Variants in NRXN3 observed in about 807,000 individuals in gnomAD.
The protein encoded by NRXN3 is neurexin 3, also known as neurexin III.
In NRXN3, 32 loss-of-function variants were observed where a neutral mutation model predicts 137.6. The observed-to-expected ratio is 0.23, with a 90% CI of 0.18 to 0.31. The LOEUF (loss-of-function observed/expected upper bound fraction) is 0.31, where lower values mean the gene tolerates loss of function less well. Ranked by LOEUF, NRXN3 falls within the 10% of genes least tolerant of loss-of-function variation. The pLI, the probability that NRXN3 is intolerant of heterozygous loss-of-function variation, is 1.00. For missense variants in NRXN3, 1,574 were observed against 2,062.5 expected (o/e 0.76, Z 4.59); for synonymous variants, 798 against 784.5 (o/e 1.02, Z -0.29).
rs112453614 is a variant in NRXN3, at chr14:78,193,612, A to T, written c.-704+22938A>T. 8.5e-3 allele frequency among the ~76,000 whole-genome samples: 1,294 copies of T among 152,210 alleles called. 17 individuals are homozygous for T. Among genetic ancestry groups the T allele is most frequent in the African/African-American group, 0.028 (1,168 of 41,526 alleles). ...CCCCATCTCTACTAAAAATACAAAA[A>T]TTAGCTGGATGTGGTGGCGCACACC... On this transcript the variant is annotated intron_variant, in intron 1 of 20. Coordinates refer to ENST00000335750, the MANE Select transcript of NRXN3 (RefSeq NM_001330195.2).
At chr14:79,235,648 A>C (rs1156328509) in intron 15 of NRXN3, among the ~76,000 whole-genome samples, 1 of 152,196 alleles carries the variant, frequency 6.6e-6, no homozygotes, top group Admixed American at 6.5e-5. Flanking sequence ...TGAGTAAAAA[A>C]GTTCACTCAG....
chr14:78,514,005 G>A (rs1223067801), intron 4 of NRXN3, among the ~76,000 whole-genome samples: 1 of 152,034 alleles, frequency 6.6e-6, no homozygotes, highest in Non-Finnish European at 1.5e-5. Flanking sequence ...TCAGATCTAG[G>A]AATGTGTCAT....
At chr14:79,552,234 A>G (rs1044710471) in intron 16 of NRXN3, among the ~76,000 whole-genome samples, 2 of 152,344 alleles carry the variant, frequency 1.3e-5, no homozygotes, top group Admixed American at 1.3e-4. Flanking sequence ...GTTCCAGGCA[A>G]TGACAGAGCT....
At chr14:78,229,458 A>G (rs1322751092) in intron 1 of NRXN3, among the ~76,000 whole-genome samples, 2 of 151,938 alleles carry the variant, frequency 1.3e-5, no homozygotes, top group Non-Finnish European at 2.9e-5. Flanking sequence ...TCATCTATTG[A>G]ATGAGGGGCT....
chr14:79,431,747 G>T (rs2095758424), intron 15 of NRXN3, among the ~76,000 whole-genome samples: 1 of 151,910 alleles, frequency 6.6e-6, no homozygotes, highest in Non-Finnish European at 1.5e-5. Flanking sequence ...AAATGAACCT[G>T]CCTTACTGTT....
At chr14:79,192,765 A>ATTTTTTT (rs961910712) in intron 15 of NRXN3, among the ~76,000 whole-genome samples, 3 of 115,300 alleles carry the variant, frequency 2.6e-5, no homozygotes, top group East Asian at 2.7e-4. Flanking sequence ...AATTCTCTTA[A>ATTTTTTT]TTTTTTTTTT....
intron 4 of NRXN3, among the ~76,000 whole-genome samples, chr14:78,354,437 A>G (rs946434707): frequency 1.6e-4 from 25 of 151,978 alleles, no homozygotes; most frequent in African/African-American, 6.0e-4. Flanking sequence ...CCATCTAGCC[A>G]CTCCTAGTCT....
At chr14:79,495,919 G>T (rs1430383583) in intron 16 of NRXN3, among the ~76,000 whole-genome samples, 1 of 150,994 alleles carries the variant, frequency 6.6e-6, no homozygotes. Flanking sequence ...TGTTTAAAAG[G>T]TGTCATCTCT....
intron 14 of NRXN3, among the ~76,000 whole-genome samples, chr14:78,972,150 T>G (rs2099444042): frequency 6.6e-6 from 1 of 152,180 alleles, no homozygotes; most frequent in East Asian, 1.9e-4. Flanking sequence ...GGCTGGTAAA[T>G]GTATCTTCCT....
chr14:79,570,343 T>G (rs1162859705), intron 16 of NRXN3, among the ~76,000 whole-genome samples: 2 of 152,176 alleles, frequency 1.3e-5, no homozygotes, highest in African/African-American at 2.4e-5. Flanking sequence ...TAAACTCAAC[T>G]GCCCAAAGCC....
At chr14:78,969,834 T>C (rs979624470) in intron 14 of NRXN3, among the ~76,000 whole-genome samples, 1 of 151,464 alleles carries the variant, frequency 6.6e-6, no homozygotes, top group African/African-American at 2.4e-5. Flanking sequence ...TGTGTGTGTG[T>C]GTGTGTGTGT....
At chr14:78,723,609 TCCGTTTCAATATTTG>T (rs2152875876) in intron 8 of NRXN3, among the ~76,000 whole-genome samples, 1 of 152,316 alleles carries the variant, frequency 6.6e-6, no homozygotes, top group South Asian at 2.1e-4. Flanking sequence ...TCTCTGTGCC[TCCGTTTCAATATTTG>T]CCATGACAAT....
intron 15 of NRXN3, among the ~76,000 whole-genome samples, chr14:79,459,661 GA>G (rs2096302056): frequency 6.6e-6 from 1 of 151,892 alleles, no homozygotes; most frequent in East Asian, 1.9e-4. Flanking sequence ...TATTTCAAGT[GA>G]AAAATATAGA....
At chr14:78,892,811 T>TGTGG (rs1555555064) in intron 10 of NRXN3, among the ~76,000 whole-genome samples, 1 of 149,972 alleles carries the variant, frequency 6.7e-6, no homozygotes, top group Non-Finnish European at 1.5e-5. Context: ...TGTGTGTGTG[T>TGTGG]GGTGTTTGCT....
intron 4 of NRXN3, among the ~76,000 whole-genome samples, chr14:78,336,959 A>C (rs927405761): frequency 1.3e-4 from 20 of 152,238 alleles, no homozygotes; most frequent in Admixed American, 1.2e-3. Flanking sequence ...GATCATCTGT[A>C]TGTTTATAGC....
intron 4 of NRXN3, among the ~76,000 whole-genome samples, chr14:78,550,813 T>C (rs931943812): frequency 4.6e-5 from 7 of 152,122 alleles, no homozygotes; most frequent in African/African-American, 1.4e-4. Context: ...TGAGCCTAAG[T>C]ATAAAATGAG....
chr14:79,536,241 G>A (rs930411909), intron 16 of NRXN3, among the ~76,000 whole-genome samples: 22 of 152,076 alleles, frequency 1.4e-4, no homozygotes, highest in African/African-American at 5.3e-4. Flanking sequence ...GAAGAAAGAG[G>A]AGTACACAGA....
At chr14:78,816,485 A>G (rs1382429020) in intron 10 of NRXN3, among the ~76,000 whole-genome samples, 4 of 152,130 alleles carry the variant, frequency 2.6e-5, no homozygotes, top group African/African-American at 9.7e-5. Context: ...GTAAGAATAT[A>G]TAGGTTTATT....
chr14:79,743,096 T>C (rs988893556), intron 19 of NRXN3, among the ~76,000 whole-genome samples: 1 of 152,220 alleles, frequency 6.6e-6, no homozygotes, highest in Non-Finnish European at 1.5e-5. Context: ...TTGTGGCACC[T>C]GGGTGATGAG....
Sources: gnomAD v4.1 joint callset for allele counts (sites outside exome capture counted in the v4.1 genomes callset) on GRCh38, gnomAD v4.1.1 for gene constraint, MANE v1.5 for transcripts, NCBI Gene and HGNC (gene_info 2026-07-23, HGNC 2026-07-21) for gene names.